Variants in WWP2 observed in about 807,000 individuals in gnomAD.
WWP2 encodes NEDD4-like E3 ubiquitin-protein ligase WWP2.
WWP2 carries 57 observed loss-of-function variants against 121.0 expected under a neutral mutation model. The ratio of observed to expected loss-of-function variants is 0.47; its 90% CI spans 0.38 to 0.59. The LOEUF (loss-of-function observed/expected upper bound fraction) is 0.59. Ranked by LOEUF, WWP2 falls within the 20% of genes least tolerant of loss-of-function variation. WWP2 has a pLI of 0.00. For synonymous variants in WWP2, 449 were observed against 441.3 expected, an observed-to-expected ratio of 1.02 and a Z score of -0.22; for missense variants, 962 against 1,158.9, an observed-to-expected ratio of 0.83 and a Z score of 2.47.
At chr16:69,893,267 T>C (rs1355899899) in intron 8 of WWP2, among the ~76,000 whole-genome samples, 2 of 152,350 alleles carry the variant, frequency 1.3e-5, no homozygotes, top group East Asian at 3.9e-4. Flanking sequence ...TCTGCCTCTC[T>C]GCTATTCTTG....
At chr16:69,865,710 G>A (rs1419123304) in intron 6 of WWP2, among the ~76,000 whole-genome samples, 1 of 152,218 alleles carries the variant, frequency 6.6e-6, no homozygotes, top group Non-Finnish European at 1.5e-5. Flanking sequence ...TAACACGTTT[G>A]TTACATGTGT....
chr16:69,844,979 C>G (rs2057043082), intron 6 of WWP2, among the ~76,000 whole-genome samples: 1 of 152,198 alleles, frequency 6.6e-6, no homozygotes, highest in South Asian at 2.1e-4. Context: ...ATGAAGGTCA[C>G]TGTGCACACA....
At chr16:69,831,584 A>G (rs1006375352) in intron 4 of WWP2, among the ~76,000 whole-genome samples, 4 of 152,196 alleles carry the variant, frequency 2.6e-5, no homozygotes, top group Admixed American at 2.0e-4. Flanking sequence ...TTAGAAAAAT[A>G]TGACTCATCC....
chr16:69,879,349 T>G (rs111513465), intron 7 of WWP2, among the ~76,000 whole-genome samples: 5 of 152,152 alleles, frequency 3.3e-5, no homozygotes, highest in African/African-American at 1.2e-4. Flanking sequence ...CCAAACGGAT[T>G]CTCTGTATCC....
At position 69,789,177 on chromosome 16, in the gene WWP2, C is replaced by T. The variant is rs528871611; in HGVS notation, c.70+2097C>T. ...GGTTAAAACAGTTCTCCTGTCTCAG[C>T]CTTCCAAGTAGCTGGGATTACCAGT... On this transcript the variant is annotated intron_variant, in intron 2 of 23. Transcript: ENST00000359154. 3.3e-5 allele frequency among the ~76,000 whole-genome samples: 5 copies of T among 152,182 alleles called. No homozygotes were observed. In the South Asian group the frequency reaches 8.3e-4, roughly 25 times the overall value.
chr16:69,810,981 C>G (rs961522285), intron 4 of WWP2, among the ~76,000 whole-genome samples: 3 of 151,710 alleles, frequency 2.0e-5, no homozygotes, highest in Admixed American at 2.0e-4. Flanking sequence ...TCTTGAACTC[C>G]TGACCTCAAG....
intron 6 of WWP2, among the ~76,000 whole-genome samples, chr16:69,850,386 C>CAAAAAA (rs575466932): frequency 1.7e-5 from 2 of 118,548 alleles, no homozygotes; most frequent in East Asian, 2.5e-4. Context: ...GACTCCATCT[C>CAAAAAA]AAAAAAAAAA....
intron 4 of WWP2, among the ~76,000 whole-genome samples, chr16:69,831,718 T>A (rs1288511271): frequency 6.6e-6 from 1 of 152,132 alleles, no homozygotes; most frequent in African/African-American, 2.4e-5. Context: ...GACTGATGTG[T>A]CTTCTACCTT....
At chr16:69,858,482 C>A (rs998329498) in intron 6 of WWP2, among the ~76,000 whole-genome samples, 1 of 152,048 alleles carries the variant, frequency 6.6e-6, no homozygotes, top group African/African-American at 2.4e-5. Flanking sequence ...TCCTGAGATG[C>A]GATAATTTGA....
intron 1 of WWP2, among the ~76,000 whole-genome samples, chr16:69,780,916 T>C (rs962334381): frequency 5.3e-5 from 8 of 152,104 alleles, no homozygotes; most frequent in African/African-American, 1.9e-4. Flanking sequence ...TAGTCCCAGC[T>C]ACTCAGGAAT....
At chr16:69,796,216 T>G (rs2151809140) in intron 2 of WWP2, among the ~76,000 whole-genome samples, 1 of 152,286 alleles carries the variant, frequency 6.6e-6, no homozygotes, top group African/African-American at 2.4e-5. Flanking sequence ...TGTCTAGAGC[T>G]TACTCTCAGA....
chr16:69,924,444 G>A lies in WWP2; in HGVS notation c.1180-986G>A, dbSNP rs2151980780. ...AAAAATGCTTCAGAAAGAAAAAAAAGAAAGGAAGAAAGAGTGGAACAATAC... is the reference window on the plus strand; with the variant it reads ...AAAAATGCTTCAGAAAGAAAAAAAAAAAAGGAAGAAAGAGTGGAACAATAC... On this transcript the variant is annotated intron_variant, in intron 10 of 23. Coordinates refer to ENST00000359154, the MANE Select transcript of WWP2 (RefSeq NM_001270454.2). 1.3e-5 allele frequency among the ~76,000 whole-genome samples: 2 copies of A among 152,276 alleles called. 1 individual carries two copies. Among genetic ancestry groups the A allele is most frequent in the Middle Eastern group, 6.8e-3 (2 of 294 alleles).
intron 4 of WWP2, among the ~76,000 whole-genome samples, chr16:69,823,224 A>G (rs2056625247): frequency 6.6e-6 from 1 of 152,238 alleles, no homozygotes; most frequent in African/African-American, 2.4e-5. Context: ...TTAACATGTA[A>G]TCAGTATAAA....
chr16:69,871,600 C>T, intron 6 of WWP2: 2 of 585,666 alleles, frequency 3.4e-6, no homozygotes, highest in East Asian at 3.4e-5. Flanking sequence ...CACAAAGTTA[C>T]CTTCTGAGCT....
At chr16:69,898,570 G>A (rs925596796) in intron 8 of WWP2, among the ~76,000 whole-genome samples, 1 of 152,174 alleles carries the variant, frequency 6.6e-6, no homozygotes, top group Admixed American at 6.5e-5. Flanking sequence ...TTACTATTGA[G>A]ATTGAACCTC....
intron 8 of WWP2, among the ~76,000 whole-genome samples, chr16:69,904,613 C>T (rs560001424): frequency 3.9e-5 from 6 of 152,286 alleles, no homozygotes; most frequent in African/African-American, 1.4e-4. Flanking sequence ...TCAAGTGATC[C>T]TCCTGCCTTA....
intron 10 of WWP2, among the ~76,000 whole-genome samples, chr16:69,919,314 C>T (rs748010595): frequency 2.0e-4 from 31 of 152,032 alleles, no homozygotes; most frequent in Non-Finnish European, 4.4e-4. Context: ...TACAGGCACA[C>T]GCCACCGTGC....
intron 10 of WWP2, among the ~76,000 whole-genome samples, chr16:69,921,701 A>T (rs1201612141): frequency 6.6e-6 from 1 of 152,190 alleles, no homozygotes; most frequent in East Asian, 1.9e-4. Flanking sequence ...TGCCTGGCAC[A>T]GCCTTGCACA....
Position 69,808,667 on chromosome 16 carries a change from G to T in WWP2, c.340+9372G>T, listed in dbSNP as rs564731293. Among the ~76,000 whole-genome samples the T allele has an allele frequency of 5.3e-5, 8 of 152,358 alleles. No homozygotes were observed. The East Asian group carries it at 1.5e-3, about 29-fold the overall frequency. On this transcript the variant is annotated intron_variant, in intron 4 of 23. Transcript: ENST00000359154. The stretch of plus-strand genomic sequence containing the variant: ...TCTGCCTGCCTCGGCCTCCCAAAGT[G>T]TTGGGATTACAGGCGTGAGCCACTG...
Sources: allele counts gnomAD v4.1 joint callset (sites outside exome capture counted in the v4.1 genomes callset), GRCh38; gene constraint gnomAD v4.1.1; transcripts MANE v1.5; gene names NCBI Gene and HGNC (gene_info 2026-07-23, HGNC 2026-07-21).